Variants in DNAH11 observed in about 807,000 individuals in gnomAD.
The protein encoded by DNAH11 is axonemal beta dynein heavy chain 11.
In DNAH11, 442 loss-of-function variants were observed where a neutral mutation model predicts 526.0. The ratio of observed to expected loss-of-function variants is 0.84; its 90% CI spans 0.78 to 0.91. The LOEUF (loss-of-function observed/expected upper bound fraction) is 0.91, where lower values mean the gene tolerates loss of function less well. Ranked by LOEUF, DNAH11 falls within the 40% of genes least tolerant of loss-of-function variation. The probability of loss-of-function intolerance (pLI) is 0.00; values close to 1 mark genes in which losing one functional copy is unlikely to be tolerated. For synonymous variants in DNAH11, 2,461 were observed against 1,935.9 expected, an observed-to-expected ratio of 1.27 and a Z score of -7.12; for missense variants, 6,989 against 5,448.7, an observed-to-expected ratio of 1.28 and a Z score of -8.90.
At chr7:21,643,426 C>A (rs1035627213) in intron 28 of DNAH11, among the ~76,000 whole-genome samples, 3 of 152,084 alleles carry the variant, frequency 2.0e-5, no homozygotes, top group African/African-American at 7.2e-5. Context: ...TTTAACTTCT[C>A]CATAAAGGTT....
chr7:21,594,737 A>G (rs1784805829), intron 14 of DNAH11, among the ~76,000 whole-genome samples: 1 of 151,950 alleles, frequency 6.6e-6, no homozygotes, highest in Admixed American at 6.6e-5. Context: ...CAGGGAAGTA[A>G]GTGTGGGGGG....
rs998043944 is a variant in DNAH11, at chr7:21,588,594, G to A, written c.1931G>A (p.Arg644Gln). 2.5e-6 allele frequency: 4 copies of A among 1,613,544 alleles called. No individual in the cohort carries two copies. Among genetic ancestry groups the A allele is most frequent in the African/African-American group, 2.7e-5 (2 of 74,914 alleles). ...AAATGGGCCCAGCAGGTTCTCCAAC[G>A]ACTTCAAATGTTTTGGTCAAACTTC... ...NMKWAQQVLQ[R>Q]LQMFWSNFAS... Residue 644 changes from arginine (R) to glutamine (Q), a missense_variant, in exon 11 of 82, where the codon CGA (arginine) becomes CAA (glutamine). Arg to Gln is a conservative substitution (Grantham distance 43). Coordinates refer to ENST00000409508, the MANE Select transcript of DNAH11 (RefSeq NM_001277115.2).
chr7:21,560,993 A>G (rs1391216878), intron 4 of DNAH11, 78 bp from the exon 5 acceptor site: 7 of 992,396 alleles, frequency 7.1e-6, no homozygotes, highest in African/African-American at 1.6e-5. Context: ...TGGAATTTAA[A>G]TATTTTATTA....
chr7:21,570,791 C>G (rs559444748), intron 7 of DNAH11: 1 of 151,812 alleles, frequency 6.6e-6, no homozygotes. Context: ...AGTATGTGCT[C>G]TGTGTAAAAG....
In DNAH11 at chr7:21,862,040, C is replaced by T. The variant is rs563884334; in HGVS notation, c.11373+17C>T. The T allele has an allele frequency of 1.5e-4, 242 of 1,597,468 alleles. 5 individuals are homozygous for T. The South Asian group carries it at 2.7e-3, about 18-fold the overall frequency. ...GCTTTTCAGGTAAGGAGATCAGTTA[C>T]TTGAAAAAGGATCCCCAGAACCAAA... On this transcript the variant is annotated intron_variant, in intron 69 of 81. Coordinates refer to ENST00000409508, the MANE Select transcript of DNAH11 (RefSeq NM_001277115.2).
intron 25 of DNAH11, among the ~76,000 whole-genome samples, chr7:21,628,109 A>G (rs2128457075): frequency 6.6e-6 from 1 of 152,130 alleles, no homozygotes; most frequent in Non-Finnish European, 1.5e-5. Context: ...GGTACATATA[A>G]ATGCAACTGT....
intron 81 of DNAH11, 162 bp from the exon 82 acceptor site, chr7:21,900,845 C>A: frequency 8.3e-7 from 1 of 1,209,816 alleles, no homozygotes; most frequent in South Asian, 2.0e-5. Context: ...GGGTAACCTA[C>A]CTTTCAAAGC....
intron 66 of DNAH11, among the ~76,000 whole-genome samples, chr7:21,848,128 C>G (rs981791832): frequency 8.4e-5 from 12 of 143,604 alleles, no homozygotes; most frequent in Non-Finnish European, 1.2e-4. Flanking sequence ...GATTGCACCA[C>G]TGCACTCCAG....
At position 21,582,038 on chromosome 7, in the gene DNAH11, C is replaced by T. The variant is rs1412963712; in HGVS notation, c.1710+17C>T. 4 of 1,542,216 alleles carry T rather than the reference C, an allele frequency of 2.6e-6. No individual in the cohort carries two copies. Among genetic ancestry groups the T allele is most frequent in the Non-Finnish European group, 3.6e-6 (4 of 1,117,792 alleles). ...GCATTTAAGGTTAGTTCTGAAGAAG[C>T]TATCATAAAAAACGTTTACTATGAA... On this transcript the variant is annotated intron_variant, in intron 9 of 81. Transcript: ENST00000409508.
chr7:21,596,669 C>G (rs1054783361), intron 14 of DNAH11, among the ~76,000 whole-genome samples: 6 of 152,082 alleles, frequency 3.9e-5, no homozygotes, highest in African/African-American at 1.4e-4. Context: ...AAAAGTATGG[C>G]CAAGACATGA....
chr7:21,690,418 C>T (rs954156517), intron 34 of DNAH11, among the ~76,000 whole-genome samples: 17 of 152,108 alleles, frequency 1.1e-4, no homozygotes, highest in Non-Finnish European at 2.5e-4. Flanking sequence ...ATGCAGCATC[C>T]CATTCAAGGA....
At chr7:21,757,500 A>G (rs182497397) in intron 54 of DNAH11, among the ~76,000 whole-genome samples, 15 of 151,958 alleles carry the variant, frequency 9.9e-5, no homozygotes, top group Admixed American at 7.9e-4. Flanking sequence ...GCCTTTTGAG[A>G]GTGCTATGCA....
chr7:21,666,584 A>T (rs1451290181), intron 30 of DNAH11, among the ~76,000 whole-genome samples: 1 of 151,978 alleles, frequency 6.6e-6, no homozygotes, highest in Non-Finnish European at 1.5e-5. Context: ...TAAGAAAGAG[A>T]CCCTCATTTT....
At chr7:21,900,183 C>G in intron 81 of DNAH11, 63 bp downstream of exon 81, 2 of 1,501,574 alleles carry the variant, frequency 1.3e-6, no homozygotes, top group Non-Finnish European at 1.8e-6. Context: ...CAGTGTTTGT[C>G]CTCTGCTTAC....
At position 21,573,376 on chromosome 7, in the gene DNAH11, C is replaced by T. The variant is rs111570506; in HGVS notation, c.1593+1403C>T. Among the ~76,000 whole-genome samples the T allele has an allele frequency of 1.7e-3, 253 of 152,252 alleles. 1 individual carries two copies. Among genetic ancestry groups the T allele is most frequent in the South Asian group, 5.0e-3 (24 of 4,826 alleles). On this transcript the variant is annotated intron_variant, in intron 8 of 81. Coordinates refer to ENST00000409508, the MANE Select transcript of DNAH11 (RefSeq NM_001277115.2). ...CATCATAACCTTCCCCTGAAGTTCC[C>T]TTCATCCTCCTGTCTGATTCTTGCC...
Position 21,873,217 on chromosome 7 carries a change from A to G in DNAH11, c.11968-57A>G, listed in dbSNP as rs962483577. ...ATTATATATAGGAAAATGTAATCTT[A>G]TAATTCAAGTAATATGCCTCACCTT... On this transcript the variant is annotated intron_variant, in intron 73 of 81. Coordinates refer to ENST00000409508, the MANE Select transcript of DNAH11 (RefSeq NM_001277115.2). The G allele has an allele frequency of 9.5e-6, 13 of 1,365,024 alleles. No homozygotes were observed. In the African/African-American group the frequency reaches 1.8e-4, roughly 18 times the overall value. The allele number at this position is 1,365,024 out of a possible 1,614,324, so 84.6% of individuals were successfully genotyped here. A position where few individuals can be genotyped will look rare whatever the true frequency, so the allele number is the denominator to read the frequency against.
At chr7:21,751,355 T>G (rs906949079) in intron 54 of DNAH11, among the ~76,000 whole-genome samples, 1 of 152,120 alleles carries the variant, frequency 6.6e-6, no homozygotes, top group Non-Finnish European at 1.5e-5. Context: ...TCAGATGTTC[T>G]GAAGGATTAC....
chr7:21,887,655 G>A (rs2128045308), intron 76 of DNAH11, among the ~76,000 whole-genome samples: 1 of 152,024 alleles, frequency 6.6e-6, no homozygotes, highest in South Asian at 2.1e-4. Flanking sequence ...TTAATAAATG[G>A]GAAATCTTTT....
chr7:21,653,572 A>G (rs1263371492), intron 28 of DNAH11, among the ~76,000 whole-genome samples: 1 of 152,208 alleles, frequency 6.6e-6, no homozygotes, highest in African/African-American at 2.4e-5. Flanking sequence ...CCCATTACAC[A>G]GTAGAAGCCA....
Sources: gnomAD v4.1 joint callset for allele counts (sites outside exome capture counted in the v4.1 genomes callset) on GRCh38, gnomAD v4.1.1 for gene constraint, MANE v1.5 for transcripts, NCBI Gene and HGNC (gene_info 2026-07-23, HGNC 2026-07-21) for gene names.